POLR3G: variants seen among roughly 807,000 people sequenced by gnomAD.
POLR3G encodes the protein DNA-directed RNA polymerase III subunit RPC7.
In POLR3G, 28 loss-of-function variants were observed where a neutral mutation model predicts 30.1. That is an observed-to-expected ratio of 0.93 (90% CI 0.69 to 1.27). The LOEUF (loss-of-function observed/expected upper bound fraction) is 1.27. Among genes scored for constraint, POLR3G ranks in the 50% most tolerant of loss-of-function variants. POLR3G has a pLI of 0.00. For missense variants in POLR3G, 254 were observed against 264.6 expected (o/e 0.96, Z 0.28); for synonymous variants, 79 against 82.5 (o/e 0.96, Z 0.23).
chr5:90,502,438 T>C, intron 6 of POLR3G: 7 of 796,744 alleles, frequency 8.8e-6, no homozygotes, highest in Non-Finnish European at 1.1e-5. Context: ...ATAGAACTTA[T>C]TTTTATAGCT....
At chr5:90,500,618 T>C (rs1752201401) in intron 5 of POLR3G, among the ~76,000 whole-genome samples, 1 of 152,136 alleles carries the variant, frequency 6.6e-6, no homozygotes, top group Non-Finnish European at 1.5e-5. Flanking sequence ...CAGAGAAAGT[T>C]ACCCATCATT....
intron 5 of POLR3G, 32 bp from the exon 6 acceptor site, chr5:90,501,874 G>GA: frequency 6.2e-7 from 1 of 1,608,166 alleles, no homozygotes; most frequent in South Asian, 1.1e-5. Flanking sequence ...TGCAGTTGCA[G>GA]AAAAATGTGT....
Position 90,504,084 on chromosome 5 carries a change from T to C in POLR3G, c.438+2096T>C, listed in dbSNP as rs371712034. Among the ~76,000 whole-genome samples, 7 of 152,180 alleles carry C rather than the reference T, an allele frequency of 4.6e-5. No individual in the cohort carries two copies. The East Asian group carries it at 1.3e-3, about 29-fold the overall frequency. On this transcript the variant is annotated intron_variant, in intron 6 of 7. Transcript: ENST00000651687. ...GAAGCAATGAGACAATATATGTGGCTTTGAGATCAATTTTTATTAAAAAGT... is the reference window on the plus strand; with the variant it reads ...GAAGCAATGAGACAATATATGTGGCCTTGAGATCAATTTTTATTAAAAAGT...
chr5:90,478,790 C>A (rs1561245645), intron 1 of POLR3G, among the ~76,000 whole-genome samples: 1 of 151,206 alleles, frequency 6.6e-6, no homozygotes, highest in Non-Finnish European at 1.5e-5. Flanking sequence ...TCAAGACCAT[C>A]CTGGCCAACA....
intron 5 of POLR3G, 123 bp from the exon 6 acceptor site, chr5:90,501,783 C>A: frequency 2.9e-6 from 3 of 1,048,996 alleles, no homozygotes; most frequent in Non-Finnish European, 2.7e-6. Flanking sequence ...TTAATTTACT[C>A]TGAAAACTAT....
chr5:90,506,060 C>T (rs1400564809), intron 6 of POLR3G, among the ~76,000 whole-genome samples: 1 of 151,870 alleles, frequency 6.6e-6, no homozygotes, highest in Non-Finnish European at 1.5e-5. Context: ...CATGGAGAAA[C>T]CCTGTCTCTA....
upstream of POLR3G, chr5:90,474,385 G>A (rs1034120161): frequency 2.5e-6 from 3 of 1,201,632 alleles, no homozygotes; most frequent in African/African-American, 4.6e-5. Context: ...GTGTGAAGCG[G>A]TCTGCCTGCA....
intron 7 of POLR3G, among the ~76,000 whole-genome samples, chr5:90,510,128 T>C (rs1403679296): frequency 1.3e-5 from 2 of 152,102 alleles, no homozygotes; most frequent in Admixed American, 1.3e-4. Context: ...AAGACTGGCA[T>C]TTGCAATGCT....
chr5:90,486,129 T>G (rs999890826), intron 2 of POLR3G, among the ~76,000 whole-genome samples: 1 of 152,236 alleles, frequency 6.6e-6, no homozygotes, highest in Non-Finnish European at 1.5e-5. Flanking sequence ...CTTTTTTTGC[T>G]TATTTTAGTG....
At chr5:90,509,618 T>C (rs1416639725) in intron 7 of POLR3G, among the ~76,000 whole-genome samples, 2 of 152,222 alleles carry the variant, frequency 1.3e-5, no homozygotes, top group Non-Finnish European at 2.9e-5. Context: ...TTAGGTGATC[T>C]GAAGAGCTAA....
intron 1 of POLR3G, among the ~76,000 whole-genome samples, chr5:90,476,357 A>C (rs1434725782): frequency 2.0e-5 from 3 of 152,222 alleles, no homozygotes; most frequent in Admixed American, 1.3e-4. Context: ...CAGGAGTTTG[A>C]GGGAAGATAA....
chr5:90,477,156 C>CT (rs1394310916), intron 1 of POLR3G, among the ~76,000 whole-genome samples: 1 of 152,106 alleles, frequency 6.6e-6, no homozygotes, highest in Non-Finnish European at 1.5e-5. Context: ...AGGGAGAGGC[C>CT]TACCTCCATG....
At chr5:90,474,483 A>T (rs888670713), upstream of POLR3G, 9 of 599,178 alleles carry the variant, frequency 1.5e-5, no homozygotes, top group Non-Finnish European at 2.6e-5. Context: ...CGCTGCCCGT[A>T]GCGTGCGCTC....
intron 6 of POLR3G, chr5:90,502,274 A>G: frequency 2.0e-6 from 2 of 980,726 alleles, no homozygotes; most frequent in Non-Finnish European, 2.4e-6. Context: ...TGAATCATGC[A>G]GGCAGAGAGA....
intron 1 of POLR3G, among the ~76,000 whole-genome samples, chr5:90,478,620 G>A (rs1294441079): frequency 1.6e-5 from 2 of 125,200 alleles, no homozygotes; most frequent in East Asian, 4.8e-4. Flanking sequence ...CTAGGCTGGA[G>A]TGCAGCGGCG....
chr5:90,491,900 C>G (rs1013423396), intron 3 of POLR3G, among the ~76,000 whole-genome samples: 5 of 152,020 alleles, frequency 3.3e-5, no homozygotes, highest in African/African-American at 1.2e-4. Flanking sequence ...TATAGTTTTC[C>G]TATGGTGTTG....
intron 7 of POLR3G, among the ~76,000 whole-genome samples, chr5:90,509,915 A>G (rs1200729686): frequency 6.6e-6 from 1 of 152,196 alleles, no homozygotes; most frequent in Non-Finnish European, 1.5e-5. Context: ...AATCATGTTT[A>G]TATTTTAGAA....
chr5:90,498,212 GTTGT>G (rs1267369675), intron 5 of POLR3G, among the ~76,000 whole-genome samples: 1 of 151,730 alleles, frequency 6.6e-6, no homozygotes, highest in East Asian at 1.9e-4. Context: ...CTTGTTTTTT[GTTGT>G]TTGTCTTTTG....
In POLR3G at chr5:90,480,877, G is replaced by C. The variant is rs1235499787; in HGVS notation, c.-43-4648G>C. Among the ~76,000 whole-genome samples, 41 of 152,210 alleles carry C rather than the reference G, an allele frequency of 2.7e-4. 1 individual carries two copies. Among genetic ancestry groups the C allele is most frequent in the Non-Finnish European group, 7.4e-5 (5 of 68,012 alleles). On this transcript the variant is annotated intron_variant, in intron 1 of 7. Transcript: ENST00000651687. ...CTTCTGCTCAGCAGTTTTGATACTT[G>C]GGAGATACGCTTTCTCTAGGCTCAG...
Sources: allele counts gnomAD v4.1 joint callset (sites outside exome capture counted in the v4.1 genomes callset), GRCh38; gene constraint gnomAD v4.1.1; transcripts MANE v1.5; gene names NCBI Gene and HGNC (gene_info 2026-07-23, HGNC 2026-07-21).